CMSS1: variants seen among roughly 807,000 people sequenced by gnomAD.
CMSS1 encodes the protein cms1 ribosomal small subunit homolog.
Under a neutral mutation model 43.5 loss-of-function variants are expected in CMSS1, and 33 were observed. The observed-to-expected ratio is 0.76, with a 90% CI of 0.57 to 1.01. The LOEUF is 1.01. Among genes scored for constraint, CMSS1 ranks in the 50% least tolerant of loss-of-function variants. CMSS1 has a pLI of 0.00. For missense variants in CMSS1, 313 were observed against 326.4 expected, an observed-to-expected ratio of 0.96 and a Z score of 0.32; for synonymous variants, 115 against 117.2, an observed-to-expected ratio of 0.98 and a Z score of 0.12.
At chr3:99,950,727 CTG>C (rs1172664359) in intron 1 of CMSS1, among the ~76,000 whole-genome samples, 1 of 152,154 alleles carries the variant, frequency 6.6e-6, no homozygotes, top group Non-Finnish European at 1.5e-5. Context: ...TCAGAAAAAG[CTG>C]TGTGTTAAAT....
chr3:100,156,174 G>A (rs1039914534), intron 2 of CMSS1, among the ~76,000 whole-genome samples: 4 of 151,890 alleles, frequency 2.6e-5, no homozygotes, highest in Non-Finnish European at 4.4e-5. Context: ...ACTCATGCTG[G>A]AGTGCAGTGG....
chr3:99,959,235 A>G (rs1465414313), intron 1 of CMSS1, among the ~76,000 whole-genome samples: 2 of 152,206 alleles, frequency 1.3e-5, no homozygotes, highest in Non-Finnish European at 2.9e-5. Flanking sequence ...TGCAACCTCC[A>G]ACTCCCAGGT....
chr3:100,135,679 A>G (rs998952498), intron 1 of CMSS1, among the ~76,000 whole-genome samples: 7 of 145,038 alleles, frequency 4.8e-5, no homozygotes, highest in Admixed American at 4.7e-4. Context: ...AGTGAATACA[A>G]CATTACTAAA....
intron 1 of CMSS1, among the ~76,000 whole-genome samples, chr3:99,824,411 A>G (rs1325176176): frequency 6.6e-6 from 1 of 152,188 alleles, no homozygotes; most frequent in East Asian, 1.9e-4. Context: ...TTGTTAAATT[A>G]ATTACTTTTT....
At chr3:100,168,575 C>T (rs1238099712) in intron 6 of CMSS1, among the ~76,000 whole-genome samples, 2 of 152,014 alleles carry the variant, frequency 1.3e-5, no homozygotes, top group Non-Finnish European at 2.9e-5. Context: ...CTTACCAAAA[C>T]TTATGTACAG....
At chr3:99,984,785 G>A (rs1709282227) in intron 1 of CMSS1, among the ~76,000 whole-genome samples, 1 of 152,152 alleles carries the variant, frequency 6.6e-6, no homozygotes. Context: ...GGTAAGATAA[G>A]TATATGATAA....
At chr3:100,014,879 T>C (rs1471207119) in intron 1 of CMSS1, among the ~76,000 whole-genome samples, 2 of 134,970 alleles carry the variant, frequency 1.5e-5, no homozygotes, top group African/African-American at 5.3e-5. Flanking sequence ...CTTTTCTTTT[T>C]TTTTTTTCTT....
chr3:99,934,299 A>G (rs111853300), intron 1 of CMSS1, among the ~76,000 whole-genome samples: 8 of 152,262 alleles, frequency 5.3e-5, no homozygotes, highest in African/African-American at 9.6e-5. Flanking sequence ...GCCATCTTTG[A>G]AAAAGTTCAC....
chr3:100,059,960 A>G (rs1328196682), intron 1 of CMSS1, among the ~76,000 whole-genome samples: 8 of 151,342 alleles, frequency 5.3e-5, no homozygotes, highest in Admixed American at 1.3e-4. Context: ...TAAATCACAT[A>G]TGTATGAAAT....
chr3:100,129,835 T>C (rs1352621443), intron 1 of CMSS1, among the ~76,000 whole-genome samples: 1 of 152,224 alleles, frequency 6.6e-6, no homozygotes, highest in Non-Finnish European at 1.5e-5. Context: ...CTAAAGTCAT[T>C]ATTACTATAA....
At chr3:100,109,630 G>A (rs2066454777) in intron 1 of CMSS1, among the ~76,000 whole-genome samples, 1 of 152,148 alleles carries the variant, frequency 6.6e-6, no homozygotes. Flanking sequence ...TAATGCAATT[G>A]AGGTTCATGC....
chr3:99,958,087 A>G (rs1708385797), intron 1 of CMSS1, among the ~76,000 whole-genome samples: 1 of 149,942 alleles, frequency 6.7e-6, no homozygotes, highest in African/African-American at 2.4e-5. Context: ...AAATTAATTT[A>G]ATTTTAATTT....
chr3:100,166,426 C>G (rs1248148539), intron 5 of CMSS1, 32 bp downstream of exon 5: 1 of 1,394,408 alleles, frequency 7.2e-7, no homozygotes, highest in East Asian at 2.3e-5. Flanking sequence ...TCTATTTAAA[C>G]TCATTCTTAT....
At chr3:100,125,730 T>C (rs1240709693) in intron 1 of CMSS1, among the ~76,000 whole-genome samples, 1 of 152,194 alleles carries the variant, frequency 6.6e-6, no homozygotes, top group Non-Finnish European at 1.5e-5. Flanking sequence ...GAAAGGGGCA[T>C]CCTGACTTGG....
At chr3:99,930,972 G>A in intron 1 of CMSS1, 1 of 1,613,758 alleles carries the variant, frequency 6.2e-7, no homozygotes, top group Non-Finnish European at 8.5e-7. Flanking sequence ...GTATGTCTTG[G>A]AAATTTCTTT....
At chr3:99,855,547 A>T (rs1053398173) in intron 1 of CMSS1, among the ~76,000 whole-genome samples, 1 of 152,226 alleles carries the variant, frequency 6.6e-6, no homozygotes, top group African/African-American at 2.4e-5. Context: ...AAGGTCAAGA[A>T]GGAGCAAAGC....
At chr3:100,079,052 G>A (rs2065894217) in intron 1 of CMSS1, among the ~76,000 whole-genome samples, 1 of 152,156 alleles carries the variant, frequency 6.6e-6, no homozygotes, top group Non-Finnish European at 1.5e-5. Flanking sequence ...CAAATGAGGT[G>A]GGCAAGACCT....
At chr3:99,953,050 C>A (rs1708223131) in intron 1 of CMSS1, among the ~76,000 whole-genome samples, 1 of 151,996 alleles carries the variant, frequency 6.6e-6, no homozygotes, top group African/African-American at 2.4e-5. Context: ...AGTGCCAGAA[C>A]TTTTTTAAAA....
intron 1 of CMSS1, among the ~76,000 whole-genome samples, chr3:99,929,534 G>T (rs1374630836): frequency 6.6e-6 from 1 of 151,646 alleles, no homozygotes; most frequent in African/African-American, 2.4e-5. Context: ...GTGTGTGTGT[G>T]TGTGTGTAAG....
Sources: allele counts gnomAD v4.1 joint callset (sites outside exome capture counted in the v4.1 genomes callset), GRCh38; gene constraint gnomAD v4.1.1; transcripts MANE v1.5; gene names NCBI Gene and HGNC (gene_info 2026-07-23, HGNC 2026-07-21).